The following TBC1D5 variants were observed in gnomAD, a reference collection of about 807,000 sequenced individuals.
TBC1D5 encodes TBC1 domain family member 5.
TBC1D5 carries 75 observed loss-of-function variants against 100.3 expected under a neutral mutation model. That is an observed-to-expected ratio of 0.75 (90% confidence interval 0.62 to 0.91). The LOEUF (loss-of-function observed/expected upper bound fraction) is 0.91, where lower values mean the gene tolerates loss of function less well. Among genes scored for constraint, TBC1D5 ranks in the 40% least tolerant of loss-of-function variants. TBC1D5 has a pLI of 0.00. For synonymous variants in TBC1D5, 323 were observed against 325.6 expected, an observed-to-expected ratio of 0.99 and a Z score of 0.09; for missense variants, 910 against 942.4, an observed-to-expected ratio of 0.97 and a Z score of 0.45.
intron 12 of TBC1D5, among the ~76,000 whole-genome samples, chr3:17,373,632 A>C (rs1172333275): frequency 6.6e-6 from 1 of 152,192 alleles, no homozygotes; most frequent in Non-Finnish European, 1.5e-5. Flanking sequence ...TGATGTATGG[A>C]TAAACAAAAT....
chr3:17,666,649 G>T (rs552747861), intron 1 of TBC1D5, among the ~76,000 whole-genome samples: 1 of 152,068 alleles, frequency 6.6e-6, no homozygotes, highest in Non-Finnish European at 1.5e-5. Context: ...TACATGTTTA[G>T]ATTTGGAAGA....
intron 2 of TBC1D5, among the ~76,000 whole-genome samples, chr3:17,566,738 T>G (rs1031495487): frequency 2.0e-5 from 3 of 151,876 alleles, no homozygotes; most frequent in Non-Finnish European, 3.0e-5. Context: ...TAAATAAAAT[T>G]TATTCCTTTT....
intron 2 of TBC1D5, among the ~76,000 whole-genome samples, chr3:17,544,069 C>T (rs1385861282): frequency 6.6e-6 from 1 of 151,964 alleles, no homozygotes; most frequent in Non-Finnish European, 1.5e-5. Flanking sequence ...AGGGTTTCAC[C>T]ATGTTGGCCA....
rs573693161 is a variant in TBC1D5 at position 17,418,845 on chromosome 3, C to T, written c.167+9605G>A. Among the ~76,000 whole-genome samples, 229 of 152,228 alleles carry T rather than the reference C, an allele frequency of 1.5e-3. 1 individual carries two copies. The highest frequency in any genetic ancestry group is 2.7e-3 in the South Asian group (13 of 4,820). ...CAAAATGAAGTCACTTGTGTCAAACCCTAACAAAAGTACAGTTGGCCCTCC... is the reference window on the plus strand; with the variant it reads ...CAAAATGAAGTCACTTGTGTCAAACTCTAACAAAAGTACAGTTGGCCCTCC... On this transcript the variant is annotated intron_variant, in intron 4 of 21. Transcript: ENST00000253692.
intron 3 of TBC1D5, among the ~76,000 whole-genome samples, chr3:17,442,131 G>A (rs2094674325): frequency 1.3e-5 from 2 of 152,148 alleles, no homozygotes; most frequent in Non-Finnish European, 2.9e-5. Context: ...TTAAACAGCA[G>A]GCATCGGGAG....
upstream of TBC1D5, among the ~76,000 whole-genome samples, chr3:17,741,879 G>C (rs571036235): frequency 7.9e-6 from 1 of 126,358 alleles, no homozygotes; most frequent in South Asian, 2.6e-4. Flanking sequence ...ATAAACTTAA[G>C]TCGTACTAAA....
intron 19 of TBC1D5, among the ~76,000 whole-genome samples, chr3:17,175,444 C>T (rs2067614672): frequency 6.6e-6 from 1 of 152,158 alleles, no homozygotes; most frequent in Non-Finnish European, 1.5e-5. Context: ...ATGACACCTC[C>T]CAGTAAAATC....
At chr3:17,445,665 A>T (rs1383898490) in intron 3 of TBC1D5, among the ~76,000 whole-genome samples, 1 of 152,204 alleles carries the variant, frequency 6.6e-6, no homozygotes, top group Non-Finnish European at 1.5e-5. Flanking sequence ...TATGTGATAA[A>T]AGGATATTGT....
intron 13 of TBC1D5, among the ~76,000 whole-genome samples, chr3:17,367,148 C>T (rs1308046649): frequency 3.3e-5 from 5 of 152,244 alleles, no homozygotes; most frequent in East Asian, 1.9e-4. Context: ...AGATTCAATA[C>T]ATTTAAAAGT....
At chr3:17,561,390 CA>C (rs1229321922) in intron 2 of TBC1D5, among the ~76,000 whole-genome samples, 1 of 151,704 alleles carries the variant, frequency 6.6e-6, no homozygotes, top group Non-Finnish European at 1.5e-5. Flanking sequence ...AAATGTAAAA[CA>C]AAAGAAAATA....
At chr3:17,513,634 A>C (rs2095942484) in intron 2 of TBC1D5, among the ~76,000 whole-genome samples, 1 of 152,232 alleles carries the variant, frequency 6.6e-6, no homozygotes, top group African/African-American at 2.4e-5. Flanking sequence ...TCATTCATTT[A>C]AATTCTTGAC....
intron 1 of TBC1D5, among the ~76,000 whole-genome samples, chr3:17,692,145 T>C (rs1446176338): frequency 1.3e-5 from 2 of 152,222 alleles, no homozygotes; most frequent in Non-Finnish European, 2.9e-5. Context: ...CAGGCTGAAG[T>C]GCAGTGGAGC....
At chr3:17,307,553 T>C (rs2083519852) in intron 14 of TBC1D5, among the ~76,000 whole-genome samples, 1 of 152,202 alleles carries the variant, frequency 6.6e-6, no homozygotes, top group Non-Finnish European at 1.5e-5. Context: ...TAAAATACCT[T>C]TAAATGTATT....
chr3:17,238,417 G>C, exon 17 of TBC1D5: 1 of 1,603,446 alleles, frequency 6.2e-7, no homozygotes, highest in South Asian at 1.1e-5. Context: ...TTTGGCATTG[G>C]TCCTGTTAAA....
chr3:17,629,922 A>C (rs1284722226), intron 1 of TBC1D5, among the ~76,000 whole-genome samples: 1 of 152,206 alleles, frequency 6.6e-6, no homozygotes, highest in Non-Finnish European at 1.5e-5. Flanking sequence ...AAACCATTAA[A>C]TTTGTGATAA....
At chr3:17,243,277 A>G (rs1416122343) in intron 16 of TBC1D5, among the ~76,000 whole-genome samples, 2 of 152,178 alleles carry the variant, frequency 1.3e-5, no homozygotes, top group Non-Finnish European at 2.9e-5. Context: ...AAATTATACT[A>G]TTTTGTGACC....
chr3:17,703,914 GTT>G lies in TBC1D5; in HGVS notation c.-101+35427_-101+35428del, dbSNP rs58614671. Among the ~76,000 whole-genome samples, 474 of 141,862 alleles carry G rather than the reference GTT, an allele frequency of 3.3e-3. 11 individuals are homozygous for G. Among genetic ancestry groups the G allele is most frequent in the East Asian group, 0.017 (83 of 5,010 alleles). 93.1% of individuals were successfully genotyped at this position (141,862 alleles called of 152,430 possible). ...ACATTGATATTTGTGTTTTTTTTTT[GTT>G]TTTTTTTTTTTAATTTATTTTTTTA... On this transcript the variant is annotated intron_variant, in intron 1 of 21. Coordinates refer to ENST00000253692, the Ensembl canonical transcript of TBC1D5.
chr3:17,325,830 C>T (rs148199797), intron 13 of TBC1D5, among the ~76,000 whole-genome samples: 4 of 152,114 alleles, frequency 2.6e-5, no homozygotes, highest in African/African-American at 4.8e-5. Flanking sequence ...ACTATAGACA[C>T]GTACAAATGT....
At chr3:17,357,436 G>GA (rs1559710618) in intron 13 of TBC1D5, among the ~76,000 whole-genome samples, 1 of 152,062 alleles carries the variant, frequency 6.6e-6, no homozygotes, top group Non-Finnish European at 1.5e-5. Context: ...AGTCAAAAAT[G>GA]AAAAAAATAA....
Sources: gnomAD v4.1 joint callset for allele counts (sites outside exome capture counted in the v4.1 genomes callset) on GRCh38, gnomAD v4.1.1 for gene constraint, MANE v1.5 for transcripts, NCBI Gene and HGNC (gene_info 2026-07-23, HGNC 2026-07-21) for gene names.